The following SYT16 variants were observed in gnomAD, a reference collection of about 807,000 sequenced individuals.
SYT16 encodes the protein synaptotagmin-16.
SYT16 carries 42 observed loss-of-function variants against 61.4 expected under a neutral mutation model. The observed-to-expected ratio is 0.68, with a 90% confidence interval of 0.53 to 0.89. The LOEUF (loss-of-function observed/expected upper bound fraction) is 0.89, where lower values mean the gene tolerates loss of function less well. Ranked by LOEUF, SYT16 falls within the 40% of genes least tolerant of loss-of-function variation. The pLI, the probability that SYT16 is intolerant of heterozygous loss-of-function variation, is 0.00. For missense variants in SYT16, 804 were observed against 807.3 expected (o/e 1.00, Z 0.05); for synonymous variants, 314 against 302.3 (o/e 1.04, Z -0.40).
intron 3 of SYT16, among the ~76,000 whole-genome samples, chr14:62,017,780 G>A (rs1203013719): frequency 1.3e-5 from 2 of 151,856 alleles, no homozygotes; most frequent in Non-Finnish European, 2.9e-5. Context: ...GAGTGCAGTG[G>A]TGCGGTCATA....
chr14:61,975,257 T>C (rs1397574910), intron 2 of SYT16, among the ~76,000 whole-genome samples: 1 of 152,156 alleles, frequency 6.6e-6, no homozygotes, highest in Non-Finnish European at 1.5e-5. Flanking sequence ...ATCTCCATTT[T>C]ATAGATGAGA....
In SYT16 at chr14:62,110,741, T is replaced by A. The variant is rs1344312366; in HGVS notation, c.*10034T>A. ...TTCAGCAGGTTCGCCAACCTTTGAGTTGAATGCAGACCTTTCTTTAGAACA... is the reference window on the plus strand; with the variant it reads ...TTCAGCAGGTTCGCCAACCTTTGAGATGAATGCAGACCTTTCTTTAGAACA... On this transcript the variant is annotated 3_prime_UTR_variant, in exon 8 of 8. Coordinates refer to ENST00000683842, the MANE Select transcript of SYT16 (RefSeq NM_001367656.1). 1 of 152,128 alleles carries A rather than the reference T, an allele frequency of 6.6e-6. No individual in the cohort carries two copies. The highest frequency in any genetic ancestry group is 1.5e-5 in the Non-Finnish European group (1 of 67,958). 9.4% of individuals were successfully genotyped at this position (152,128 alleles called of 1,614,324 possible). A position where few individuals can be genotyped will look rare whatever the true frequency, so the allele number is the denominator to read the frequency against.
At chr14:61,971,209 G>A (rs1054966914) in intron 2 of SYT16, among the ~76,000 whole-genome samples, 14 of 152,104 alleles carry the variant, frequency 9.2e-5, no homozygotes, top group Non-Finnish European at 2.1e-4. Flanking sequence ...TAGGAATAAA[G>A]GCATATTATC....
intron 1 of SYT16, among the ~76,000 whole-genome samples, chr14:61,837,683 C>T (rs892878693): frequency 3.3e-5 from 5 of 152,182 alleles, no homozygotes; most frequent in African/African-American, 7.2e-5. Flanking sequence ...TACAGGCTTT[C>T]CAATTATTCT....
intron 2 of SYT16, among the ~76,000 whole-genome samples, chr14:61,988,769 G>C (rs1446243704): frequency 1.3e-5 from 2 of 152,182 alleles, no homozygotes; most frequent in East Asian, 1.9e-4. Context: ...ACTAGAAACA[G>C]TGAGAATAAA....
chr14:62,058,509 A>G (rs1400017843), intron 3 of SYT16, among the ~76,000 whole-genome samples: 2 of 151,804 alleles, frequency 1.3e-5, no homozygotes, highest in African/African-American at 4.8e-5. Context: ...GATTAGAGGC[A>G]TGTGTCACCA....
chr14:61,905,679 C>T (rs2048676512), intron 1 of SYT16, among the ~76,000 whole-genome samples: 1 of 152,186 alleles, frequency 6.6e-6, no homozygotes, highest in African/African-American at 2.4e-5. Flanking sequence ...AGCAGGGTCT[C>T]TATCAGTCTA....
At chr14:62,024,708 T>C (rs1364061316) in intron 3 of SYT16, among the ~76,000 whole-genome samples, 1 of 152,104 alleles carries the variant, frequency 6.6e-6, no homozygotes, top group African/African-American at 2.4e-5. Flanking sequence ...TTGACAAGTA[T>C]ATAATAATAT....
intron 1 of SYT16, among the ~76,000 whole-genome samples, chr14:61,893,669 G>A (rs1253658055): frequency 1.3e-5 from 2 of 152,176 alleles, no homozygotes; most frequent in Non-Finnish European, 2.9e-5. Context: ...ACATCTGGGC[G>A]TGGGCTGCAC....
chr14:61,960,464 T>C (rs1408545876), intron 1 of SYT16, among the ~76,000 whole-genome samples: 1 of 152,162 alleles, frequency 6.6e-6, no homozygotes, highest in Non-Finnish European at 1.5e-5. Flanking sequence ...TTTGTGTCTA[T>C]TGTGAATGGG....
intron 3 of SYT16, among the ~76,000 whole-genome samples, chr14:62,017,106 T>G (rs1314655829): frequency 6.6e-6 from 1 of 152,228 alleles, no homozygotes; most frequent in East Asian, 1.9e-4. Flanking sequence ...TTGCTCTGTT[T>G]TATTGAATTG....
At position 62,100,510 on chromosome 14, in the gene SYT16, G is replaced by A; in HGVS notation, c.1741G>A (p.Val581Met). The change falls in exon 8 of 8, where the codon GTG becomes ATG. Residue 581 changes from valine (V) to methionine (M), a missense_variant. Transcript: ENST00000683842. ...CTATAAGGAGACCTTTGTTTTCCAG[G>A]TGGCCCTCTTTCAGCTGTCTGATGT... ...PVYKETFVFQ[V>M]ALFQLSDVTL... 6.2e-7 allele frequency: 1 copy of A among 1,613,750 alleles called. No individual in the cohort carries two copies. The highest frequency in any genetic ancestry group is 8.5e-7 in the Non-Finnish European group (1 of 1,179,832).
intron 1 of SYT16, among the ~76,000 whole-genome samples, chr14:61,957,918 C>T (rs1039103452): frequency 6.6e-6 from 1 of 152,024 alleles, no homozygotes; most frequent in Non-Finnish European, 1.5e-5. Context: ...ATGAAGCCAT[C>T]TTGTCCTGGG....
chr14:61,864,858 C>T, intron 1 of SYT16: 1 of 1,132,382 alleles, frequency 8.8e-7, no homozygotes, highest in Non-Finnish European at 1.3e-6. Context: ...TGCATATTCT[C>T]CCAGCCACCC....
At chr14:62,011,904 C>CACACAT (rs755955809) in intron 3 of SYT16, among the ~76,000 whole-genome samples, 1 of 90,174 alleles carries the variant, frequency 1.1e-5, no homozygotes, top group South Asian at 3.3e-4. Flanking sequence ...CACACACACA[C>CACACAT]ATATATATAC....
intron 1 of SYT16, among the ~76,000 whole-genome samples, chr14:61,907,026 A>C (rs2048751766): frequency 6.6e-6 from 1 of 152,232 alleles, no homozygotes; most frequent in African/African-American, 2.4e-5. Flanking sequence ...GGATATAAAA[A>C]ATACATGGAA....
chr14:61,993,109 G>A (rs2052622158), intron 2 of SYT16, among the ~76,000 whole-genome samples: 1 of 152,082 alleles, frequency 6.6e-6, no homozygotes, highest in Admixed American at 6.6e-5. Flanking sequence ...TGAAGATTTG[G>A]ACAAGAAGAT....
At chr14:62,054,356 G>A (rs1171474500) in intron 3 of SYT16, among the ~76,000 whole-genome samples, 4 of 125,640 alleles carry the variant, frequency 3.2e-5, no homozygotes, top group Non-Finnish European at 6.6e-5. Context: ...ACTTAGTGAA[G>A]TGAGTTTTTT....
Position 62,045,673 on chromosome 14 carries a change from A to G in SYT16, c.524-23930A>G, listed in dbSNP as rs188640107. On this transcript the variant is annotated intron_variant, in intron 3 of 7. Coordinates refer to ENST00000683842, the MANE Select transcript of SYT16 (RefSeq NM_001367656.1). ...TGTGTCCATGTGTTCTCATTGTTCA[A>G]TTCCCACCTATGAGTGAGAACATGC... 8.1e-4 allele frequency among the ~76,000 whole-genome samples: 124 copies of G among 152,172 alleles called. No individual in the cohort carries two copies. The East Asian group carries it at 0.016, about 20-fold the overall frequency.
Sources: gnomAD v4.1 joint callset for allele counts (sites outside exome capture counted in the v4.1 genomes callset) on GRCh38, gnomAD v4.1.1 for gene constraint, MANE v1.5 for transcripts, NCBI Gene and HGNC (gene_info 2026-07-23, HGNC 2026-07-21) for gene names.